The following VTI1A variants were observed in gnomAD, a reference collection of about 807,000 sequenced individuals.
The protein encoded by VTI1A is vesicle transport through interaction with t-SNAREs 1A.
In VTI1A, 22 loss-of-function variants were observed where a neutral mutation model predicts 34.9. The ratio of observed to expected loss-of-function variants is 0.63; its 90% CI spans 0.45 to 0.90. The LOEUF (loss-of-function observed/expected upper bound fraction) is 0.90, where lower values mean the gene tolerates loss of function less well. VTI1A is among the 40% of genes least tolerant of loss of function. The pLI is 0.00. For synonymous variants in VTI1A, 87 were observed against 97.3 expected (o/e 0.89, Z 0.62); for missense variants, 268 against 275.6 (o/e 0.97, Z 0.20).
intron 3 of VTI1A, among the ~76,000 whole-genome samples, chr10:112,465,219 C>T (rs1847857340): frequency 2.0e-5 from 3 of 152,062 alleles, no homozygotes; most frequent in Admixed American, 1.3e-4. Flanking sequence ...GCTGTCTCTT[C>T]CTATATATCT....
chr10:112,469,529 C>G (rs1203003130), intron 3 of VTI1A, among the ~76,000 whole-genome samples: 1 of 152,212 alleles, frequency 6.6e-6, no homozygotes, highest in Non-Finnish European at 1.5e-5. Flanking sequence ...AGATAATTTA[C>G]TGGCAAATCA....
chr10:112,785,751 C>G (rs1852268488), intron 7 of VTI1A, among the ~76,000 whole-genome samples: 1 of 152,072 alleles, frequency 6.6e-6, no homozygotes, highest in African/African-American at 2.4e-5. Flanking sequence ...TGCCTTGGAT[C>G]CTTTGTCAAA....
chr10:112,542,282 C>A (rs1434211944), intron 5 of VTI1A, among the ~76,000 whole-genome samples: 1 of 152,078 alleles, frequency 6.6e-6, no homozygotes, highest in East Asian at 1.9e-4. Context: ...AGCTTAAGAC[C>A]CTCCCAACTG....
intron 5 of VTI1A, among the ~76,000 whole-genome samples, chr10:112,604,820 C>T (rs1845013714): frequency 6.6e-6 from 1 of 152,094 alleles, no homozygotes; most frequent in Admixed American, 6.5e-5. Flanking sequence ...TCTTGGTGTA[C>T]AGCGGTGATC....
chr10:112,599,806 C>G (rs537260490), intron 5 of VTI1A, among the ~76,000 whole-genome samples: 1 of 152,246 alleles, frequency 6.6e-6, no homozygotes, highest in African/African-American at 2.4e-5. Flanking sequence ...TTTCAAACCC[C>G]TGGGCTCAAG....
intron 7 of VTI1A, among the ~76,000 whole-genome samples, chr10:112,751,175 A>G (rs1312972876): frequency 1.3e-5 from 2 of 152,210 alleles, no homozygotes; most frequent in African/African-American, 2.4e-5. Context: ...TGAAGTACCT[A>G]TCTTTTGAAG....
At chr10:112,634,486 T>TAC (rs1285628038) in intron 5 of VTI1A, among the ~76,000 whole-genome samples, 2 of 137,240 alleles carry the variant, frequency 1.5e-5, no homozygotes, top group Non-Finnish European at 3.1e-5. Flanking sequence ...TCGGTGGTTA[T>TAC]ACACACACAC....
In VTI1A at chr10:112,816,640, C is replaced by G. The variant is rs1053065836; in HGVS notation, c.*1257C>G. On this transcript the variant is annotated 3_prime_UTR_variant, in exon 8 of 8. Coordinates refer to ENST00000393077, the MANE Select transcript of VTI1A (RefSeq NM_145206.4). ...TGCCCAAGCTGAGGTCGTTTCCCCC[C>G]AGTCACAAAGCAGAATGTTTTTCTC... The G allele has an allele frequency of 4.4e-6, 1 of 227,134 alleles. No individual in the cohort carries two copies. Among genetic ancestry groups the G allele is most frequent in the Non-Finnish European group, 8.7e-6 (1 of 114,316 alleles). The allele number at this position is 227,134 out of a possible 1,614,324, so 14.1% of individuals were successfully genotyped here. A position where few individuals can be genotyped will look rare whatever the true frequency, so the allele number is the denominator to read the frequency against.
chr10:112,797,511 T>A (rs978046003), intron 7 of VTI1A, among the ~76,000 whole-genome samples: 8 of 152,042 alleles, frequency 5.3e-5, no homozygotes, highest in Non-Finnish European at 1.2e-4. Context: ...AAGTTTGGGT[T>A]CATTCTAGAA....
At chr10:112,544,557 G>A (rs1040023298) in intron 5 of VTI1A, among the ~76,000 whole-genome samples, 4 of 151,708 alleles carry the variant, frequency 2.6e-5, no homozygotes, top group African/African-American at 9.7e-5. Flanking sequence ...AGCAGTAAAC[G>A]ACGCGAGGTA....
intron 5 of VTI1A, among the ~76,000 whole-genome samples, chr10:112,653,437 C>T (rs547756028): frequency 2.0e-5 from 3 of 152,146 alleles, no homozygotes; most frequent in Admixed American, 6.5e-5. Context: ...CCCATGACGT[C>T]GGCCACCTGT....
the VTI1A span, among the ~76,000 whole-genome samples, chr10:112,838,447 A>G: frequency 6.6e-6 from 1 of 152,256 alleles, no homozygotes; most frequent in Non-Finnish European, 1.5e-5. Flanking sequence ...ACATTATGTC[A>G]TATATGGTGT....
chr10:112,478,020 TA>T (rs1848334222), intron 3 of VTI1A, among the ~76,000 whole-genome samples: 1 of 152,196 alleles, frequency 6.6e-6, no homozygotes, highest in Non-Finnish European at 1.5e-5. Flanking sequence ...CAGTGAAGTT[TA>T]AAATTTTTTA....
chr10:112,543,688 A>T (rs1850955525), intron 5 of VTI1A, among the ~76,000 whole-genome samples: 1 of 152,050 alleles, frequency 6.6e-6, no homozygotes, highest in Non-Finnish European at 1.5e-5. Flanking sequence ...GCTTAATTAG[A>T]TCCCGTTTGT....
intron 5 of VTI1A, among the ~76,000 whole-genome samples, chr10:112,560,015 G>A (rs1251003189): frequency 6.6e-6 from 1 of 152,166 alleles, no homozygotes; most frequent in Admixed American, 6.5e-5. Flanking sequence ...GATAGTAAAA[G>A]CTAGTTTGTC....
intron 1 of VTI1A, chr10:112,449,244 C>A (rs1007678155): frequency 6.6e-6 from 1 of 152,204 alleles, no homozygotes; most frequent in Non-Finnish European, 1.5e-5. Flanking sequence ...GAGTTTTACT[C>A]ATTTTTAATT....
chr10:112,632,094 G>T (rs533698384), intron 5 of VTI1A, among the ~76,000 whole-genome samples: 2 of 152,204 alleles, frequency 1.3e-5, no homozygotes, highest in African/African-American at 4.8e-5. Context: ...CATCAGTTGG[G>T]GTAGTATTCT....
chr10:112,714,744 G>T (rs917951863), intron 7 of VTI1A, among the ~76,000 whole-genome samples: 1 of 152,214 alleles, frequency 6.6e-6, no homozygotes, highest in African/African-American at 2.4e-5. Context: ...GGAGGATCAG[G>T]AAAATGGTAT....
chr10:112,832,271 G>C, the VTI1A span: 1 of 152,158 alleles, frequency 6.6e-6, no homozygotes, highest in Non-Finnish European at 1.5e-5. Flanking sequence ...TCGCAAGCTG[G>C]GGGAAAATAC....
Sources: gnomAD v4.1 joint callset for allele counts (sites outside exome capture counted in the v4.1 genomes callset) on GRCh38, gnomAD v4.1.1 for gene constraint, MANE v1.5 for transcripts, NCBI Gene and HGNC (gene_info 2026-07-23, HGNC 2026-07-21) for gene names.